Variants in BNC2 observed in about 807,000 individuals in gnomAD.
The protein encoded by BNC2 is zinc finger protein basonuclin-2.
A neutral mutation model predicts 76.3 loss-of-function variants in BNC2; 20 were observed. The ratio of observed to expected loss-of-function variants is 0.26; its 90% CI spans 0.18 to 0.38. The LOEUF (loss-of-function observed/expected upper bound fraction) is 0.38. BNC2 is among the 10% of genes least tolerant of loss of function. The pLI, the probability that BNC2 is intolerant of heterozygous loss-of-function variation, is 1.00. For synonymous variants in BNC2, 582 were observed against 514.8 expected (o/e 1.13, Z -1.77); for missense variants, 1,382 against 1,399.8 (o/e 0.99, Z 0.20).
intron 1 of BNC2, among the ~76,000 whole-genome samples, chr9:16,752,354 G>A (rs1371269239): frequency 6.6e-6 from 1 of 152,152 alleles, no homozygotes; most frequent in African/African-American, 2.4e-5. Flanking sequence ...ACTATAACCT[G>A]AAAGTTTAGC....
chr9:16,646,615 G>C (rs1821634284), intron 3 of BNC2, among the ~76,000 whole-genome samples: 1 of 152,116 alleles, frequency 6.6e-6, no homozygotes, highest in Non-Finnish European at 1.5e-5. Flanking sequence ...AAAGGCATAA[G>C]GGAACATTAT....
rs879083746 is a variant in BNC2, at chr9:16,418,674, GTGTGTGTGTGTGTGTGTATGTGCA to G, written c.*291_*314del. 16,135 of 328,566 alleles carry G rather than the reference GTGTGTGTGTGTGTGTGTATGTGCA, an allele frequency of 0.049. 403 individuals are homozygous for G. Among genetic ancestry groups the G allele is most frequent in the Middle Eastern group, 0.075 (80 of 1,070 alleles). 20.4% of individuals were successfully genotyped at this position (328,566 alleles called of 1,614,324 possible). A position where few individuals can be genotyped will look rare whatever the true frequency, so the allele number is the denominator to read the frequency against. ...GGGGCTAGTTGCACACTGTGTGTGT[GTGTGTGTGTGTGTGTGTATGTGCA>G]TGTGTGTGTGTGTGTGTTTAAAGGG... On this transcript the variant is annotated 3_prime_UTR_variant, in exon 7 of 7. Coordinates refer to ENST00000380672, the MANE Select transcript of BNC2 (RefSeq NM_017637.6).
chr9:16,470,090 C>T (rs536155505), intron 5 of BNC2, among the ~76,000 whole-genome samples: 10 of 150,764 alleles, frequency 6.6e-5, no homozygotes, highest in East Asian at 2.0e-4. Flanking sequence ...CTCTGCCTCC[C>T]GGGTTCATGC....
Position 16,525,877 on chromosome 9 carries a change from T to C in BNC2, c.669+26653A>G, listed in dbSNP as rs141160750. Among the ~76,000 whole-genome samples, 873 of 152,300 alleles carry C rather than the reference T, an allele frequency of 5.7e-3. 10 individuals carry two copies. The highest frequency in any genetic ancestry group is 0.02 in the African/African-American group (829 of 41,576). On this transcript the variant is annotated intron_variant, in intron 5 of 6. Transcript: ENST00000380672. Reference sequence around the variant, plus strand: ...TCACTTACTTTCAACCACAGTCCTTTATATAATTTTTTTTTGCTAAAGGCA... The same window carrying C: ...TCACTTACTTTCAACCACAGTCCTTCATATAATTTTTTTTTGCTAAAGGCA...
intron 5 of BNC2, among the ~76,000 whole-genome samples, chr9:16,550,240 C>G (rs965802936): frequency 6.6e-6 from 1 of 151,728 alleles, no homozygotes; most frequent in African/African-American, 2.4e-5. Context: ...TGTAAACTTT[C>G]TTAAAACATT....
rs1000712890 is a variant in BNC2 at position 16,409,541 on chromosome 9, G to A, written c.*9448C>T. 6.6e-6 allele frequency: 1 copy of A among 152,494 alleles called. No individual in the cohort carries two copies. The allele number at this position is 152,494 out of a possible 1,614,324, so 9.4% of individuals were successfully genotyped here. Reference sequence around the variant, plus strand: ...AATCTTTAATATAAAAATTGTACAAGAATTTTGATACAAATTACAAGAGGT... The same window carrying A: ...AATCTTTAATATAAAAATTGTACAAAAATTTTGATACAAATTACAAGAGGT... On this transcript the variant is annotated 3_prime_UTR_variant, in exon 7 of 7. Transcript: ENST00000380672.
chr9:16,723,165 T>C (rs1824213956), intron 3 of BNC2, among the ~76,000 whole-genome samples: 1 of 152,064 alleles, frequency 6.6e-6, no homozygotes, highest in Admixed American at 6.6e-5. Context: ...CCTTTTTTAG[T>C]AAGACAAGAT....
At chr9:16,733,288 G>A (rs1399951862) in intron 2 of BNC2, among the ~76,000 whole-genome samples, 5 of 152,088 alleles carry the variant, frequency 3.3e-5, no homozygotes, top group Admixed American at 2.6e-4. Flanking sequence ...ATATTCCTGA[G>A]GAAAGAAGTT....
chr9:16,671,606 C>T lies in BNC2; in HGVS notation c.330+56191G>A, dbSNP rs773487803. ...CTATGCATCACTTCCAAAATAGAAA[C>T]TGGACATACAGCTCATACTGTTTAC... On this transcript the variant is annotated intron_variant, in intron 3 of 6. Transcript: ENST00000380672. Among the ~76,000 whole-genome samples the T allele has an allele frequency of 2.6e-5, 4 of 152,276 alleles. No homozygotes were observed. In the South Asian group the frequency reaches 8.3e-4, roughly 32 times the overall value.
At chr9:16,680,687 C>A (rs1438789445) in intron 3 of BNC2, among the ~76,000 whole-genome samples, 2 of 149,850 alleles carry the variant, frequency 1.3e-5, no homozygotes, top group Non-Finnish European at 3.0e-5. Context: ...ATGGTATGAA[C>A]ATGAGCTATA....
At chr9:16,539,585 GGAGGGAGGGAGC>G (rs1818238605) in intron 5 of BNC2, among the ~76,000 whole-genome samples, 1 of 91,836 alleles carries the variant, frequency 1.1e-5, no homozygotes, top group African/African-American at 5.4e-5. Context: ...GACAGAGAAG[GGAGGGAGGGAGC>G]GAGGGAGGGA....
chr9:16,521,878 A>C (rs1240663724), intron 5 of BNC2, among the ~76,000 whole-genome samples: 1 of 152,160 alleles, frequency 6.6e-6, no homozygotes, highest in Non-Finnish European at 1.5e-5. Flanking sequence ...TTTTTGTATG[A>C]GTATTAGGCC....
intron 1 of BNC2, among the ~76,000 whole-genome samples, chr9:16,743,955 A>AGTTTGTTT (rs111863200): frequency 0.62 from 93,781 of 150,566 alleles, 32,526 homozygotes; most frequent in Non-Finnish European, 0.78. Context: ...TACAGACTGC[A>AGTTTGTTT]GTTTGTTTGT....
rs181908911 is a variant in BNC2 at position 16,614,562 on chromosome 9, T to C, written c.331-31477A>G. ...TCTCTAAATAAAAAGAAAGCAAGGT[T>C]AGAGTTTCCAGGTACTATTTAAAAG... On this transcript the variant is annotated intron_variant, in intron 3 of 6. Transcript: ENST00000380672. 2.1e-3 allele frequency among the ~76,000 whole-genome samples: 320 copies of C among 152,122 alleles called. 2 individuals are homozygous for C. The highest frequency in any genetic ancestry group is 6.8e-3 in the African/African-American group (281 of 41,522).
intron 1 of BNC2, among the ~76,000 whole-genome samples, chr9:16,782,323 T>C (rs1184351414): frequency 1.3e-5 from 2 of 151,822 alleles, no homozygotes; most frequent in African/African-American, 2.4e-5. Context: ...AATAATTTTG[T>C]ATAATTAAAT....
intron 3 of BNC2, among the ~76,000 whole-genome samples, chr9:16,722,047 C>A (rs990953681): frequency 6.6e-6 from 1 of 152,108 alleles, no homozygotes; most frequent in Non-Finnish European, 1.5e-5. Context: ...CCCAATGCAA[C>A]TTTTTTTAAG....
At chr9:16,846,510 A>G (rs1437475150) in intron 1 of BNC2, among the ~76,000 whole-genome samples, 1 of 152,200 alleles carries the variant, frequency 6.6e-6, no homozygotes, top group Non-Finnish European at 1.5e-5. Flanking sequence ...ACAATCTATC[A>G]CCAGCATTAA....
chr9:16,744,352 T>C (rs1824940646), intron 1 of BNC2, among the ~76,000 whole-genome samples: 1 of 152,138 alleles, frequency 6.6e-6, no homozygotes, highest in African/African-American at 2.4e-5. Flanking sequence ...AGAGACTTAG[T>C]TTCACATCAC....
intron 1 of BNC2, among the ~76,000 whole-genome samples, chr9:16,746,961 CAA>C (rs34521803): frequency 2.2e-5 from 3 of 138,686 alleles, no homozygotes; most frequent in Admixed American, 1.4e-4. Context: ...GACTCCATCT[CAA>C]AAAAAAAAAA....
Sources: gnomAD v4.1 joint callset for allele counts (sites outside exome capture counted in the v4.1 genomes callset) on GRCh38, gnomAD v4.1.1 for gene constraint, MANE v1.5 for transcripts, NCBI Gene and HGNC (gene_info 2026-07-23, HGNC 2026-07-21) for gene names.